The following PFKFB3 variants were observed in gnomAD, a reference collection of about 807,000 sequenced individuals.
PFKFB3 encodes 6-phosphofructo-2-kinase/fructose-2,6-bisphosphatase 3.
A neutral mutation model predicts 68.0 loss-of-function variants in PFKFB3; 33 were observed. The observed-to-expected ratio is 0.49, with a 90% CI of 0.37 to 0.65. The LOEUF is 0.65. Ranked by LOEUF, PFKFB3 falls within the 30% of genes least tolerant of loss-of-function variation. The pLI, the probability that PFKFB3 is intolerant of heterozygous loss-of-function variation, is 0.00. For synonymous variants in PFKFB3, 315 were observed against 288.2 expected (o/e 1.09, Z -0.94); for missense variants, 586 against 712.2 (o/e 0.82, Z 2.02).
the PFKFB3 span, among the ~76,000 whole-genome samples, chr10:6,298,224 C>G: frequency 6.6e-6 from 1 of 152,188 alleles, no homozygotes; most frequent in Admixed American, 6.5e-5. Context: ...TCCTCTGTCT[C>G]AGCTCTGTGA....
chr10:6,309,203 T>C, the PFKFB3 span, among the ~76,000 whole-genome samples: 1 of 152,204 alleles, frequency 6.6e-6, no homozygotes, highest in Non-Finnish European at 1.5e-5. Flanking sequence ...ACTAGAAAAT[T>C]GCATACCAAC....
the PFKFB3 span, among the ~76,000 whole-genome samples, chr10:6,287,318 G>A: frequency 6.6e-6 from 1 of 152,096 alleles, no homozygotes; most frequent in Admixed American, 6.6e-5. Flanking sequence ...TTGAACTCCT[G>A]ACCTCAAGTG....
At chr10:6,231,331 A>G (rs368488803) in intron 14 of PFKFB3, 3 of 1,612,074 alleles carry the variant, frequency 1.9e-6, no homozygotes, top group Admixed American at 1.7e-5. Flanking sequence ...GCCTGGGTGC[A>G]TGTCCCTCTG....
intron 1 of PFKFB3, among the ~76,000 whole-genome samples, chr10:6,168,208 A>T (rs1842198139): frequency 6.6e-6 from 1 of 152,216 alleles, no homozygotes; most frequent in Non-Finnish European, 1.5e-5. Context: ...GTGGAAGATC[A>T]TGAGGTAGTG....
chr10:6,196,428 T>C (rs547525983), intron 1 of PFKFB3, among the ~76,000 whole-genome samples: 1 of 152,186 alleles, frequency 6.6e-6, no homozygotes, highest in African/African-American at 2.4e-5. Flanking sequence ...CAAGGTGAGG[T>C]CCACAATAGG....
the PFKFB3 span, among the ~76,000 whole-genome samples, chr10:6,283,570 G>T: frequency 4.6e-5 from 7 of 152,410 alleles, no homozygotes; most frequent in South Asian, 4.1e-4. Context: ...AGCCCTGAAT[G>T]AGAGGAAAGA....
chr10:6,316,502 A>C, the PFKFB3 span, among the ~76,000 whole-genome samples: 1 of 151,946 alleles, frequency 6.6e-6, no homozygotes, highest in Non-Finnish European at 1.5e-5. Context: ...TTTTTTTGAC[A>C]GAGTCTTGCT....
chr10:6,267,976 A>AAG, the PFKFB3 span, among the ~76,000 whole-genome samples: 231 of 150,926 alleles, frequency 1.5e-3, 1 homozygote, highest in African/African-American at 5.0e-3. Flanking sequence ...AAAAAAAAAA[A>AAG]ATCAAATTAC....
intron 1 of PFKFB3, among the ~76,000 whole-genome samples, chr10:6,184,903 G>A (rs946929229): frequency 2.0e-5 from 3 of 151,550 alleles, no homozygotes; most frequent in Admixed American, 6.6e-5. Flanking sequence ...CCAGCCTGCC[G>A]GCCTTCCTCA....
the PFKFB3 span, among the ~76,000 whole-genome samples, chr10:6,291,707 T>C: frequency 6.6e-6 from 1 of 152,182 alleles, no homozygotes; most frequent in Non-Finnish European, 1.5e-5. Context: ...ATGCTATAGC[T>C]CGTTAAGTAT....
chr10:6,216,189 G>A lies in PFKFB3; in HGVS notation c.364G>A (p.Ala122Thr). ...CCTGGCGAAAGAAGGGGGACAAATT[G>A]CGGTAAGTCCAGGCAATGTAGCCGG... ...SYLAKEGGQIAVFDATNTTRE... is the reference protein window; with the variant it reads ...SYLAKEGGQITVFDATNTTRE... The change falls in exon 4 of 15, where the codon GCG becomes ACG. Residue 122 changes from alanine to threonine, a missense_variant and splice_region_variant. By Grantham distance (58) the Ala-to-Thr change is moderately conservative. Coordinates refer to ENST00000379775, the MANE Select transcript of PFKFB3 (RefSeq NM_004566.4). 1 of 1,614,076 alleles carries A rather than the reference G, an allele frequency of 6.2e-7. No homozygotes were observed.
At chr10:6,302,130 CT>C in the PFKFB3 span, among the ~76,000 whole-genome samples, 1 of 151,412 alleles carries the variant, frequency 6.6e-6, no homozygotes, top group South Asian at 2.1e-4. Flanking sequence ...TTTTGGCTCA[CT>C]GCAACTTCTG....
the PFKFB3 span, among the ~76,000 whole-genome samples, chr10:6,286,541 T>G: frequency 2.6e-5 from 4 of 151,898 alleles, no homozygotes; most frequent in African/African-American, 9.7e-5. Flanking sequence ...CCGTGCCCAG[T>G]TAATTTTTGT....
At chr10:6,178,079 G>A (rs919441559) in intron 1 of PFKFB3, among the ~76,000 whole-genome samples, 24 of 152,186 alleles carry the variant, frequency 1.6e-4, no homozygotes, top group African/African-American at 5.5e-4. Context: ...GTCCAAGGAG[G>A]CCCTCAGGCT....
chr10:6,201,814 C>A (rs1007637714), upstream of PFKFB3, among the ~76,000 whole-genome samples: 20 of 151,112 alleles, frequency 1.3e-4, no homozygotes, highest in Non-Finnish European at 1.8e-4. The surrounding 1 kb of genome is among the most constrained non-coding windows in gnomAD (Gnocchi z 4.1). Context: ...TTACATCCGT[C>A]CCGGCGCGGG....
chr10:6,221,172 C>T lies in PFKFB3; in HGVS notation c.832-209C>T, dbSNP rs947478. Among the ~76,000 whole-genome samples, 866 of 151,920 alleles carry T rather than the reference C, an allele frequency of 5.7e-3. 8 individuals carry two copies. Among genetic ancestry groups the T allele is most frequent in the Non-Finnish European group, 8.6e-3 (584 of 67,950 alleles). On this transcript the variant is annotated intron_variant, in intron 8 of 14. Transcript: ENST00000379775. ...TCTCTGTGCATGTGTGTGATGTGTG[C>T]GCGGTTGTGCACTAGGAAGGGAAGG...
the PFKFB3 span, among the ~76,000 whole-genome samples, chr10:6,298,969 A>G: frequency 1.9e-4 from 29 of 152,352 alleles, no homozygotes; most frequent in Admixed American, 1.1e-3. Context: ...TGTTGGCTGC[A>G]TAGCCTAAAA....
At chr10:6,278,114 C>T in the PFKFB3 span, among the ~76,000 whole-genome samples, 5 of 151,894 alleles carry the variant, frequency 3.3e-5, no homozygotes, top group South Asian at 2.1e-4. Context: ...GACGGGGTTT[C>T]GCCATGTTTG....
intron 1 of PFKFB3, among the ~76,000 whole-genome samples, chr10:6,155,112 T>C (rs78367651): frequency 0.01 from 1,577 of 152,042 alleles, 69 homozygotes; most frequent in East Asian, 0.074. Context: ...TTACTGCCAC[T>C]GGCAAAGAAT....
Sources: gnomAD v4.1 joint callset for allele counts (sites outside exome capture counted in the v4.1 genomes callset) on GRCh38, gnomAD v4.1.1 for gene constraint, Gnocchi (gnomAD v3.1) non-coding constraint, MANE v1.5 for transcripts, NCBI Gene and HGNC (gene_info 2026-07-23, HGNC 2026-07-21) for gene names.